The following ATRX variants were observed in gnomAD, a reference collection of about 807,000 sequenced individuals.
ATRX encodes the protein ATRX chromatin remodeler, also known as chromatin remodeler ATRX.
In ATRX, 12 loss-of-function variants were observed where a neutral mutation model predicts 172.6. That is an observed-to-expected ratio of 0.07 (90% CI 0.04 to 0.11). The LOEUF is 0.11. ATRX is among the 10% of genes least tolerant of loss of function. The pLI is 1.00. For synonymous variants in ATRX, 674 were observed against 594.7 expected, an observed-to-expected ratio of 1.13 and a Z score of -1.94; for missense variants, 1,368 against 1,767.4, an observed-to-expected ratio of 0.77 and a Z score of 4.05.
At chrX:77,524,619 T>C (rs782693935) in intron 30 of ATRX, among the ~76,000 whole-genome samples, 2 of 111,851 alleles carry the variant, frequency 1.8e-5, no homozygotes, top group South Asian at 7.4e-4. Flanking sequence ...TTCCAAATAT[T>C]CTGATATTTA....
chrX:77,785,954 G>A (rs1325703432), intron 1 of ATRX, 28 bp downstream of exon 1: 2 of 1,185,166 alleles, frequency 1.7e-6, no homozygotes, highest in Non-Finnish European at 2.3e-6. Flanking sequence ...CAGACCGCTG[G>A]GGCCCATGAG....
At position 77,506,700 on chromosome X, in the gene ATRX, T is replaced by C. The variant is rs2062713472; in HGVS notation, c.*1651A>G. The C allele has an allele frequency of 5.8e-6, 1 of 172,589 alleles. No individual in the cohort carries two copies. Among genetic ancestry groups the C allele is most frequent in the Admixed American group, 8.1e-5 (1 of 12,334 alleles). The allele number at this position is 172,589 out of a possible 1,213,427, so 14.2% of individuals were successfully genotyped here. On this transcript the variant is annotated 3_prime_UTR_variant, in exon 35 of 35. Transcript: ENST00000373344. ...TTAGTGATATTTCATCATGGGAAAG[T>C]GGGGGAGAGGGGCGTGGATCCACCA...
intron 1 of ATRX, among the ~76,000 whole-genome samples, chrX:77,729,219 T>C (rs1257953137): frequency 3.7e-5 from 4 of 109,577 alleles, no homozygotes; most frequent in African/African-American, 6.6e-5. Context: ...ATACCAACCA[T>C]TAAATTTTAA....
intron 15 of ATRX, among the ~76,000 whole-genome samples, chrX:77,639,536 G>A (rs1215259948): frequency 1.8e-5 from 2 of 111,676 alleles, no homozygotes; most frequent in Admixed American, 9.5e-5. Context: ...TTCCTGACCC[G>A]TGAGACAAAT....
At chrX:77,650,730 G>A (rs1328954193) in intron 15 of ATRX, among the ~76,000 whole-genome samples, 1 of 110,466 alleles carries the variant, frequency 9.1e-6, no homozygotes, top group Non-Finnish European at 1.9e-5. Context: ...GATCACAGGC[G>A]TGCACCACCA....
intron 1 of ATRX, among the ~76,000 whole-genome samples, chrX:77,734,985 G>A (rs1307270070): frequency 2.8e-5 from 3 of 107,833 alleles, no homozygotes; most frequent in East Asian, 2.9e-4. Context: ...CCAGCTACTC[G>A]GGAGGCTGAG....
chrX:77,524,195 T>C (rs1557042844), intron 30 of ATRX, among the ~76,000 whole-genome samples: 2 of 112,073 alleles, frequency 1.8e-5, no homozygotes. Flanking sequence ...ACAGATATGT[T>C]ACTTTTAATA....
intron 22 of ATRX, among the ~76,000 whole-genome samples, chrX:77,614,146 A>G (rs2067263606): frequency 8.9e-6 from 1 of 112,144 alleles, no homozygotes; most frequent in Admixed American, 9.5e-5. Flanking sequence ...ACCACAGTCT[A>G]AAAAAGCCTA....
intron 25 of ATRX, 155 bp from the exon 26 acceptor site, chrX:77,594,004 C>T (rs1423698340): frequency 2.2e-6 from 1 of 464,077 alleles, no homozygotes; most frequent in Non-Finnish European, 3.7e-6. Context: ...CAGGCACACG[C>T]ACATACAGCA....
chrX:77,550,602 G>T (rs1192709772), intron 30 of ATRX, among the ~76,000 whole-genome samples: 6 of 111,402 alleles, frequency 5.4e-5, no homozygotes, highest in African/African-American at 2.0e-4. Context: ...CATAGTGTTG[G>T]AAGTTCTGGC....
Position 77,683,192 on chromosome X carries a change from TTTCTCC to T in ATRX, c.2058_2063del (p.Glu687_Lys688del), listed in dbSNP as rs1569539122. 1 of 1,210,033 alleles carries T rather than the reference TTTCTCC, an allele frequency of 8.3e-7. No homozygotes were observed. ...TTCTCACTGGAACTGATAGTTTTTG[TTTCTCC>T]TTAACTGTTTCATTACATTCTTCAT... On this transcript the variant is annotated inframe_deletion, in exon 9 of 35. Transcript: ENST00000373344.
intron 30 of ATRX, among the ~76,000 whole-genome samples, chrX:77,547,972 A>G (rs368070244): frequency 1.8e-5 from 2 of 112,242 alleles, no homozygotes; most frequent in East Asian, 5.5e-4. Flanking sequence ...GGTAATATTA[A>G]TAACAATTAT....
intron 30 of ATRX, among the ~76,000 whole-genome samples, chrX:77,533,093 C>T (rs1326611780): frequency 8.9e-6 from 1 of 112,040 alleles, no homozygotes; most frequent in African/African-American, 3.2e-5. Flanking sequence ...CAATGAGATA[C>T]CATCTGATGC....
chrX:77,604,213 T>C (rs1291420541), intron 22 of ATRX, among the ~76,000 whole-genome samples: 4 of 112,300 alleles, frequency 3.6e-5, no homozygotes, highest in African/African-American at 1.3e-4. Flanking sequence ...ACAAACAATC[T>C]GCAGAATGGG....
At chrX:77,571,543 G>C (rs1399835825) in intron 28 of ATRX, among the ~76,000 whole-genome samples, 2 of 111,418 alleles carry the variant, frequency 1.8e-5, no homozygotes, top group Non-Finnish European at 3.8e-5. Flanking sequence ...TCATTGTCAG[G>C]GGTTAAGGTT....
At chrX:77,778,720 C>CAA (rs782545336) in intron 1 of ATRX, among the ~76,000 whole-genome samples, 1 of 49,496 alleles carries the variant, frequency 2.0e-5, no homozygotes, top group African/African-American at 7.6e-5. Context: ...GACTACGTCT[C>CAA]AAAAAAAAAA....
At chrX:77,748,114 T>C (rs2075156538) in intron 1 of ATRX, among the ~76,000 whole-genome samples, 1 of 111,724 alleles carries the variant, frequency 9.0e-6, no homozygotes. Context: ...AATCATTTAA[T>C]TTGGGGCCCA....
At chrX:77,536,499 C>T (rs188151223) in intron 30 of ATRX, among the ~76,000 whole-genome samples, 11 of 111,701 alleles carry the variant, frequency 9.8e-5, no homozygotes, top group African/African-American at 3.3e-5. Context: ...AAAAGACTTA[C>T]ATGTATGAAT....
intron 1 of ATRX, among the ~76,000 whole-genome samples, chrX:77,782,263 C>G (rs2076595152): frequency 8.9e-6 from 1 of 112,261 alleles, no homozygotes; most frequent in African/African-American, 3.2e-5. Context: ...TACAATGTAA[C>G]TGCTTGTAAA....
Sources: gnomAD v4.1 joint callset for allele counts (sites outside exome capture counted in the v4.1 genomes callset) on GRCh38, gnomAD v4.1.1 for gene constraint, MANE v1.5 for transcripts, NCBI Gene and HGNC (gene_info 2026-07-23, HGNC 2026-07-21) for gene names.